The following COCH variants were observed in gnomAD, a reference collection of about 807,000 sequenced individuals.
COCH encodes cochlin.
Under a neutral mutation model 54.8 loss-of-function variants are expected in COCH, and 40 were observed. The ratio of observed to expected loss-of-function variants is 0.73; its 90% CI spans 0.57 to 0.95. COCH has a LOEUF of 0.95. COCH is among the 40% of genes least tolerant of loss of function. The pLI is 0.00. For missense variants in COCH, 605 were observed against 675.0 expected, an observed-to-expected ratio of 0.90 and a Z score of 1.15; for synonymous variants, 256 against 237.9, an observed-to-expected ratio of 1.08 and a Z score of -0.70.
At chr14:30,880,839 A>G (rs1381713111) in intron 8 of COCH, 105 bp downstream of exon 8, 1 of 838,972 alleles carries the variant, frequency 1.2e-6, no homozygotes, top group Non-Finnish European at 2.0e-6. Context: ...TTTCATACAT[A>G]CAATGTATAG....
downstream of COCH, chr14:30,895,370 C>T (rs1201501792): frequency 6.4e-7 from 1 of 1,555,972 alleles, no homozygotes; most frequent in East Asian, 2.3e-5. Flanking sequence ...GACCCTCTTT[C>T]TGTCCAAGCA....
chr14:30,886,145 T>A lies in COCH; in HGVS notation c.1310T>A (p.Ile437Asn). 1 of 1,612,602 alleles carries A rather than the reference T, an allele frequency of 6.2e-7. No individual in the cohort carries two copies. Among genetic ancestry groups the A allele is most frequent in the Non-Finnish European group, 8.5e-7 (1 of 1,178,656 alleles). The change falls in exon 11 of 12, where the codon ATC becomes AAC. Residue 437 changes from isoleucine (I) to asparagine (N), a missense_variant. By Grantham distance (149) the Ile-to-Asn change is moderately radical (BLOSUM62 -3). Transcript: ENST00000396618. ...KENVLAVIRN[I>N]RYMSGGTATG... is the part of the protein sequence containing the mutation. ...AATGTCCTAGCTGTCATCAGAAACATCCGCTATATGAGTGGTGGAACAGCT... is the reference window on the plus strand; with the variant it reads ...AATGTCCTAGCTGTCATCAGAAACAACCGCTATATGAGTGGTGGAACAGCT...
rs1895716560 is a variant in COCH at position 30,884,582 on chromosome 14, A to C, written c.659A>C (p.Lys220Thr). Residue 220 changes from lysine to threonine, a missense_variant, in exon 9 of 12, where the codon AAA becomes ACA. Transcript: ENST00000396618. Reference protein sequence around the residue: ...SEHPKIEFYLKNFTSAKDVLF... With the variant: ...SEHPKIEFYLTNFTSAKDVLF... ...CATCCCAAAATAGAATTTTACTTGA[A>C]AAACTTTACATCAGCCAAAGATGTT... 1 of 1,613,692 alleles carries C rather than the reference A, an allele frequency of 6.2e-7. No homozygotes were observed. The highest frequency in any genetic ancestry group is 8.5e-7 in the Non-Finnish European group (1 of 1,179,698).
Position 30,889,827 on chromosome 14 carries a change from G to C in COCH, c.*36G>C, listed in dbSNP as rs1207050988. 6 of 1,598,820 alleles carry C rather than the reference G, an allele frequency of 3.8e-6. No individual in the cohort carries two copies. The highest frequency in any genetic ancestry group is 3.4e-6 in the Non-Finnish European group (4 of 1,170,084). On this transcript the variant is annotated 3_prime_UTR_variant, in exon 12 of 12. Transcript: ENST00000396618. ...TTGACAACTGAAAGAAAAAGTACAA[G>C]GGGATCCAGTGTGTAAATTGTATTC... is the stretch of plus-strand genomic sequence containing the variant.
Position 30,884,327 on chromosome 14 carries a change from A to C in COCH, c.630-226A>C, listed in dbSNP as rs1322028414. On this transcript the variant is annotated intron_variant, in intron 8 of 11. Coordinates refer to ENST00000396618, the MANE Select transcript of COCH (RefSeq NM_004086.3). ...TTTACATGTGTTATGCTTTTGGCTT[A>C]TTACCCAGAATATAATAAATCCTCA... 5.8e-6 allele frequency: 3 copies of C among 515,780 alleles called. No individual in the cohort carries two copies. The Admixed American group carries it at 9.7e-5, about 17-fold the overall frequency. The allele number at this position is 515,780 out of a possible 1,614,324, so 32.0% of individuals were successfully genotyped here.
At chr14:30,881,985 AT>A (rs1895609528) in intron 8 of COCH, among the ~76,000 whole-genome samples, 3 of 150,848 alleles carry the variant, frequency 2.0e-5, no homozygotes, top group Non-Finnish European at 3.0e-5. Context: ...ATAAAAATAA[AT>A]AAATAAATAA....
At position 30,878,815 on chromosome 14, in the gene COCH, G is replaced by A. The variant is rs1332468288; in HGVS notation, c.244G>A (p.Val82Ile). Reference sequence around the variant, plus strand: ...GCTGCTATTCTTGTGTTACAGGGGAGTAATCAGCAACTCAGGGGGACCTGT... The same window carrying A: ...GCTGCTATTCTTGTGTTACAGGGGAATAATCAGCAACTCAGGGGGACCTGT... ...SICGAAVHRG[V>I]ISNSGGPVRV... is the part of the protein sequence containing the mutation. Residue 82 changes from valine (V) to isoleucine (I), a missense_variant, in exon 5 of 12, where the codon GTA (valine) becomes ATA (isoleucine). Transcript: ENST00000396618. 3.1e-6 allele frequency: 5 copies of A among 1,614,020 alleles called. No individual in the cohort carries two copies. In the Admixed American group the frequency reaches 5.0e-5, roughly 16 times the overall value.
rs1895717194 is a variant in COCH, at chr14:30,884,596, G to T, written c.673G>T (p.Ala225Ser). Reference sequence around the variant, plus strand: ...ATTTTACTTGAAAAACTTTACATCAGCCAAAGATGTTTTGTTTGCCATAAA... The same window carrying T: ...ATTTTACTTGAAAAACTTTACATCATCCAAAGATGTTTTGTTTGCCATAAA... ...IEFYLKNFTS[A>S]KDVLFAIKEV... Residue 225 changes from alanine to serine, a missense_variant, in exon 9 of 12, where the codon GCC (alanine) becomes TCC (serine). Coordinates refer to ENST00000396618, the MANE Select transcript of COCH (RefSeq NM_004086.3). 7 of 1,613,752 alleles carry T rather than the reference G, an allele frequency of 4.3e-6. No individual in the cohort carries two copies. Among genetic ancestry groups the T allele is most frequent in the Non-Finnish European group, 5.9e-6 (7 of 1,179,794 alleles).
intron 3 of COCH, 71 bp downstream of exon 3, chr14:30,875,174 A>C: frequency 6.5e-7 from 1 of 1,535,628 alleles, no homozygotes; most frequent in Non-Finnish European, 8.8e-7. Context: ...AGCGGGACTC[A>C]GATCCAGCCC....
downstream of COCH, chr14:30,895,206 T>C: frequency 1.7e-6 from 1 of 582,622 alleles, no homozygotes; most frequent in Non-Finnish European, 2.9e-6. Context: ...GGAGTCCTTT[T>C]TTCTTTGTCC....
chr14:30,895,390 ACGATG>A (rs1566421291), downstream of COCH: 1 of 1,581,728 alleles, frequency 6.3e-7, no homozygotes. Flanking sequence ...AAATCTTGTT[ACGATG>A]CAAGTTTTTG....
chr14:30,894,346 T>G (rs1049902353), downstream of COCH: 1 of 152,642 alleles, frequency 6.6e-6, no homozygotes, highest in Non-Finnish European at 1.5e-5. Context: ...ACTCCATTTT[T>G]AGTCTATTTT....
At chr14:30,895,577 T>C (rs1302044794), downstream of COCH, 1 of 1,612,314 alleles carries the variant, frequency 6.2e-7, no homozygotes. Context: ...GGAACAGTCA[T>C]GGCCTGTAAA....
At chr14:30,874,814 C>A in intron 1 of COCH, 102 bp from the exon 2 acceptor site, 2 of 1,142,932 alleles carry the variant, frequency 1.7e-6, no homozygotes, top group Middle Eastern at 2.1e-4. Context: ...GTCCTCTCTC[C>A]TCTGCGCCGC....
chr14:30,889,901 TAA>T lies in COCH; in HGVS notation c.*111_*112del. 6.9e-7 allele frequency: 1 copy of T among 1,458,920 alleles called. No homozygotes were observed. The highest frequency in any genetic ancestry group is 1.4e-5 in the African/African-American group (1 of 70,364). 90.4% of individuals were successfully genotyped at this position (1,458,920 alleles called of 1,614,324 possible). A position where few individuals can be genotyped will look rare whatever the true frequency, so the allele number is the denominator to read the frequency against. On this transcript the variant is annotated 3_prime_UTR_variant, in exon 12 of 12. Transcript: ENST00000396618. ...ATACTAGAATCAGATACAAAACTAT[TAA>T]GTATGTCAACAGCCATTTAGGCAAA...
At chr14:30,878,389 G>A (rs1413324688) in intron 4 of COCH, among the ~76,000 whole-genome samples, 2 of 152,172 alleles carry the variant, frequency 1.3e-5, no homozygotes, top group African/African-American at 4.8e-5. Flanking sequence ...AGCTGGGAGT[G>A]GTGGCTCACA....
At chr14:30,894,956 CAGA>C (rs758229492), downstream of COCH, 9 of 1,026,976 alleles carry the variant, frequency 8.8e-6, no homozygotes, top group East Asian at 8.5e-5. Context: ...AACCGATAAA[CAGA>C]AGATCACTAA....
chr14:30,880,824 G>A, intron 8 of COCH, 90 bp downstream of exon 8: 2 of 962,480 alleles, frequency 2.1e-6, no homozygotes, highest in Middle Eastern at 2.6e-4. Flanking sequence ...GGTACATAGT[G>A]ATGTTTTCAT....
intron 9 of COCH, chr14:30,884,988 T>C (rs776786372): frequency 2.4e-5 from 38 of 1,598,300 alleles, no homozygotes; most frequent in Non-Finnish European, 3.2e-5. Context: ...AATGCAGATG[T>C]GGCAGAAAGA....
Sources: gnomAD v4.1 joint callset for allele counts (sites outside exome capture counted in the v4.1 genomes callset) on GRCh38, gnomAD v4.1.1 for gene constraint, MANE v1.5 for transcripts, NCBI Gene and HGNC (gene_info 2026-07-23, HGNC 2026-07-21) for gene names.